GLRB: variants seen among roughly 807,000 people sequenced by gnomAD.
GLRB encodes the protein glycine receptor beta.
A neutral mutation model predicts 54.2 loss-of-function variants in GLRB; 33 were observed. The ratio of observed to expected loss-of-function variants is 0.61; its 90% CI spans 0.46 to 0.81. GLRB has a LOEUF of 0.81. GLRB is among the 40% of genes least tolerant of loss of function. GLRB has a pLI of 0.00. For synonymous variants in GLRB, 209 were observed against 208.2 expected (o/e 1.00, Z -0.03); for missense variants, 572 against 584.6 (o/e 0.98, Z 0.22).
chr4:157,108,155 G>A (rs1735290376), intron 2 of GLRB, among the ~76,000 whole-genome samples: 1 of 152,092 alleles, frequency 6.6e-6, no homozygotes, highest in African/African-American at 2.4e-5. Flanking sequence ...AGCTCTGACG[G>A]AGATGTATTA....
intron 2 of GLRB, among the ~76,000 whole-genome samples, chr4:157,079,196 T>G (rs1284036189): frequency 6.6e-6 from 1 of 152,212 alleles, no homozygotes; most frequent in East Asian, 1.9e-4. Flanking sequence ...AATAATGCAA[T>G]ATATGCAGTG....
At position 157,143,846 on chromosome 4, in the gene GLRB, G is replaced by A. The variant is rs1339995367; in HGVS notation, c.791G>A (p.Arg264Lys). The A allele has an allele frequency of 1.2e-6, 2 of 1,613,678 alleles. No homozygotes were observed. The highest frequency in any genetic ancestry group is 1.7e-6 in the Non-Finnish European group (2 of 1,179,950). Residue 264 changes from arginine (R) to lysine (K), a missense_variant, in exon 8 of 10, where the codon AGG (arginine) becomes AAG (lysine). By Grantham distance (26) the Arg-to-Lys change is conservative. Transcript: ENST00000264428. ...GTGGAAGTCATCTTCACCCTGAGGA[G>A]GCAGGTCGGCTTTTACATGATGGGG... Reference protein sequence around the residue: ...TCVEVIFTLRRQVGFYMMGVY... With the variant: ...TCVEVIFTLRKQVGFYMMGVY...
At position 157,170,420 on chromosome 4, in the gene GLRB, A is replaced by G. The variant is rs1351972982; in HGVS notation, c.1198-12A>G. 6 of 1,513,820 alleles carry G rather than the reference A, an allele frequency of 4.0e-6. No individual in the cohort carries two copies. The South Asian group carries it at 6.8e-5, about 17-fold the overall frequency. 93.8% of individuals were successfully genotyped at this position (1,513,820 alleles called of 1,614,324 possible). ...AAGTTTTAAATACATTGTCTTCAAT[A>G]TTTATTCTTAGGTTGGTGAGACCAG... is the stretch of plus-strand genomic sequence containing the variant. On this transcript the variant is annotated splice_polypyrimidine_tract_variant and intron_variant, in intron 9 of 9. Coordinates refer to ENST00000264428, the MANE Select transcript of GLRB (RefSeq NM_000824.5).
At chr4:157,168,567 G>T (rs577033022) in intron 9 of GLRB, among the ~76,000 whole-genome samples, 1 of 152,118 alleles carries the variant, frequency 6.6e-6, no homozygotes, top group East Asian at 1.9e-4. Context: ...TTCCATTTGG[G>T]CTATTTTATA....
intron 2 of GLRB, among the ~76,000 whole-genome samples, chr4:157,115,387 G>A (rs924488660): frequency 2.0e-5 from 3 of 150,712 alleles, no homozygotes; most frequent in African/African-American, 7.3e-5. Context: ...ATAACATCAC[G>A]GTTGCCACTA....
chr4:157,119,909 T>C (rs1735743112), intron 2 of GLRB, among the ~76,000 whole-genome samples: 1 of 151,800 alleles, frequency 6.6e-6, no homozygotes, highest in South Asian at 2.1e-4. Flanking sequence ...CTATAAATCA[T>C]GCTGCTATAA....
chr4:157,141,430 C>T (rs1317045326), intron 7 of GLRB, among the ~76,000 whole-genome samples: 3 of 151,336 alleles, frequency 2.0e-5, no homozygotes, highest in Non-Finnish European at 3.0e-5. Context: ...TATATATGAG[C>T]AATATATAAA....
chr4:157,124,542 G>T (rs1001191403), intron 4 of GLRB, among the ~76,000 whole-genome samples: 140 of 151,748 alleles, frequency 9.2e-4, no homozygotes, highest in African/African-American at 3.3e-3. Context: ...TTTTATATTA[G>T]CCAATAGTGA....
chr4:157,093,918 T>C (rs191684809), intron 2 of GLRB, among the ~76,000 whole-genome samples: 1 of 152,132 alleles, frequency 6.6e-6, no homozygotes, highest in Non-Finnish European at 1.5e-5. Flanking sequence ...GAATATTACA[T>C]AGAGACTTAG....
At chr4:157,130,120 A>C (rs1002882133) in intron 4 of GLRB, among the ~76,000 whole-genome samples, 1 of 151,656 alleles carries the variant, frequency 6.6e-6, no homozygotes, top group African/African-American at 2.4e-5. Context: ...CTATGTTGTG[A>C]GTGTATGATT....
chr4:157,109,936 A>G (rs75742056), intron 2 of GLRB, among the ~76,000 whole-genome samples: 4,652 of 151,968 alleles, frequency 0.031, 116 homozygotes, highest in African/African-American at 0.068. Context: ...ACAATCCTCT[A>G]TGTCTCCAGC....
chr4:157,170,327 C>T, intron 9 of GLRB, 105 bp from the exon 10 acceptor site: 2 of 697,240 alleles, frequency 2.9e-6, no homozygotes, highest in Non-Finnish European at 5.0e-6. Flanking sequence ...GTGACATAAG[C>T]AAATGCTTCT....
chr4:157,165,790 C>A (rs995299615), intron 9 of GLRB, among the ~76,000 whole-genome samples: 1 of 151,794 alleles, frequency 6.6e-6, no homozygotes, highest in African/African-American at 2.4e-5. Flanking sequence ...GTGCCATACA[C>A]AAAGGTTTTA....
Position 157,083,161 on chromosome 4 carries a change from G to C in GLRB, c.122+5015G>C, listed in dbSNP as rs907830321. On this transcript the variant is annotated intron_variant, in intron 2 of 9. Coordinates refer to ENST00000264428, the MANE Select transcript of GLRB (RefSeq NM_000824.5). ...TAAAGCAAGGTTTACAGAGATTTCT[G>C]CTCTGTGCTAGTGCAGAAATATTTG... Among the ~76,000 whole-genome samples, 36 of 152,064 alleles carry C rather than the reference G, an allele frequency of 2.4e-4. 1 individual carries two copies. The highest frequency in any genetic ancestry group is 8.7e-4 in the African/African-American group (36 of 41,480).
At chr4:157,096,293 C>G (rs547670064) in intron 2 of GLRB, among the ~76,000 whole-genome samples, 40 of 152,186 alleles carry the variant, frequency 2.6e-4, no homozygotes, top group African/African-American at 9.6e-4. Flanking sequence ...TAAGGAAGTG[C>G]TAATTTTAGT....
intron 2 of GLRB, among the ~76,000 whole-genome samples, chr4:157,103,769 G>A (rs76569881): frequency 0.021 from 3,203 of 151,948 alleles, 36 homozygotes; most frequent in Middle Eastern, 0.034. Flanking sequence ...CCTTAGTTAA[G>A]GTTATTCCTA....
At position 157,103,811 on chromosome 4, in the gene GLRB, C is replaced by T. The variant is rs943341403; in HGVS notation, c.123-16745C>T. 6.6e-5 allele frequency among the ~76,000 whole-genome samples: 10 copies of T among 152,114 alleles called. No individual in the cohort carries two copies. The East Asian group carries it at 1.4e-3, about 21-fold the overall frequency. On this transcript the variant is annotated intron_variant, in intron 2 of 9. Transcript: ENST00000264428. ...TTATTATTTTTGATGGTATTACAAA[C>T]GGAATTATTTTCCTAACTTCCTTTT...
At chr4:157,089,950 C>T (rs1734550824) in intron 2 of GLRB, among the ~76,000 whole-genome samples, 1 of 152,198 alleles carries the variant, frequency 6.6e-6, no homozygotes, top group Non-Finnish European at 1.5e-5. Context: ...TCATCAATTA[C>T]TCATTCTGTT....
Position 157,170,570 on chromosome 4 carries a change from A to C in GLRB, c.1336A>C (p.Asn446His), listed in dbSNP as rs1287507010. ...DCYGKPIEVN[N>H]GLGKSQAKNN... is the part of the protein sequence containing the mutation. ...CTATGGAAAACCCATTGAAGTTAAC[A>C]ACGGACTTGGGAAATCTCAGGCTAA... Residue 446 changes from asparagine to histidine, a missense_variant, in exon 10 of 10, where the codon AAC becomes CAC. By Grantham distance (68) the Asn-to-His change is moderately conservative (BLOSUM62 1). Transcript: ENST00000264428. The C allele has an allele frequency of 6.2e-7, 1 of 1,613,458 alleles. No individual in the cohort carries two copies. Among genetic ancestry groups the C allele is most frequent in the Admixed American group, 1.7e-5 (1 of 59,898 alleles).
Sources: gnomAD v4.1 joint callset for allele counts (sites outside exome capture counted in the v4.1 genomes callset) on GRCh38, gnomAD v4.1.1 for gene constraint, MANE v1.5 for transcripts, NCBI Gene and HGNC (gene_info 2026-07-23, HGNC 2026-07-21) for gene names.